The following PMM1 variants were observed in gnomAD, a reference collection of about 807,000 sequenced individuals.
The protein encoded by PMM1 is brain glucose-1,6-bisphosphatase.
Under a neutral mutation model 34.0 loss-of-function variants are expected in PMM1, and 25 were observed. The observed-to-expected ratio is 0.73, with a 90% confidence interval of 0.54 to 1.03. PMM1 has a LOEUF of 1.03. Among genes scored for constraint, PMM1 ranks in the 50% least tolerant of loss-of-function variants. PMM1 has a pLI of 0.00. For missense variants in PMM1, 321 were observed against 350.1 expected (o/e 0.92, Z 0.66); for synonymous variants, 134 against 143.9 (o/e 0.93, Z 0.49).
intron 5 of PMM1, chr22:41,580,610 C>G (rs1054314457): frequency 6.6e-6 from 1 of 152,106 alleles, no homozygotes; most frequent in African/African-American, 2.4e-5. Context: ...CCTGGGTGGA[C>G]AGGAAGGGAT....
chr22:41,584,093 C>T (rs1220069647), intron 4 of PMM1, 35 bp from the exon 5 acceptor site: 2 of 1,510,214 alleles, frequency 1.3e-6, no homozygotes, highest in South Asian at 2.2e-5. Flanking sequence ...CCAGAGAGAA[C>T]CAGAACGGCC....
In PMM1 at chr22:41,584,051, A is replaced by G; in HGVS notation, c.382T>C (p.Phe128Leu). 6.2e-7 allele frequency: 1 copy of G among 1,612,304 alleles called. No homozygotes were observed. The highest frequency in any genetic ancestry group is 1.7e-5 in the Admixed American group (1 of 60,006). The change falls in exon 5 of 8, where the codon TTC becomes CTC. Residue 128 changes from phenylalanine (F) to leucine (L), a missense_variant. Coordinates refer to ENST00000216259, the MANE Select transcript of PMM1 (RefSeq NM_002676.3). ...LLRLPKKRGT[F>L]IEFRNGMLNI... ...AGCATGCCATTCCGGAACTCGATGA[A>G]GGTTCCACTGGTGGTGAGGGAGGGC... is the stretch of plus-strand genomic sequence containing the variant.
intron 1 of PMM1, chr22:41,586,564 G>C (rs949673060): frequency 1.0e-5 from 2 of 191,006 alleles, no homozygotes; most frequent in African/African-American, 4.8e-5. Context: ...GCTGGAGTGC[G>C]ATGGCGTGAT....
chr22:41,580,474 G>C (rs4822042), intron 5 of PMM1: 112,257 of 152,036 alleles, frequency 0.74, 42,619 homozygotes, highest in African/African-American at 0.92. Context: ...CTCATCCAGT[G>C]CTCATGACAG....
intron 1 of PMM1, chr22:41,589,370 T>C: frequency 2.2e-6 from 1 of 450,090 alleles, no homozygotes; most frequent in African/African-American, 2.0e-5. Flanking sequence ...TAGGGTGGGA[T>C]CCCCAGCTCA....
intron 1 of PMM1, chr22:41,589,158 C>T (rs1300076878): frequency 7.7e-7 from 1 of 1,299,620 alleles, no homozygotes; most frequent in Admixed American, 2.3e-5. Context: ...CCTCTCTGCT[C>T]CACGACTGGG....
At chr22:41,584,696 T>C in intron 2 of PMM1, 93 bp from the exon 3 acceptor site, 1 of 878,318 alleles carries the variant, frequency 1.1e-6, no homozygotes, top group Non-Finnish European at 1.8e-6. Flanking sequence ...GCCTACACCC[T>C]TGGTTTCACA....
intron 2 of PMM1, 78 bp downstream of exon 2, chr22:41,585,998 G>T (rs904975638): frequency 9.3e-6 from 10 of 1,070,046 alleles, no homozygotes; most frequent in Non-Finnish European, 1.4e-5. Context: ...CTGCCCCACA[G>T]AAGCAGGACT....
In PMM1 at chr22:41,578,797, T is replaced by A; in HGVS notation, c.550+9A>T. On this transcript the variant is annotated intron_variant, in intron 6 of 7. Transcript: ENST00000216259. Reference sequence around the variant, plus strand: ...CAGGCCTCCCAGGTCCTCTGCAGGGTGGACGTACCTCGAGAGAACCTCAGC... The same window carrying A: ...CAGGCCTCCCAGGTCCTCTGCAGGGAGGACGTACCTCGAGAGAACCTCAGC... 6.2e-7 allele frequency: 1 copy of A among 1,612,460 alleles called. No homozygotes were observed. Among genetic ancestry groups the A allele is most frequent in the Non-Finnish European group, 8.5e-7 (1 of 1,178,632 alleles).
At chr22:41,581,515 G>A (rs899811114) in intron 5 of PMM1, among the ~76,000 whole-genome samples, 3 of 152,080 alleles carry the variant, frequency 2.0e-5, no homozygotes, top group African/African-American at 7.2e-5. Flanking sequence ...ATCGAGCCTT[G>A]GTTTCCTCAT....
intron 6 of PMM1, 129 bp downstream of exon 6, chr22:41,578,677 C>T (rs185805966): frequency 2.9e-6 from 2 of 699,686 alleles, no homozygotes; most frequent in Admixed American, 2.5e-5. Flanking sequence ...GCTCAGCCAC[C>T]CTCTCTGCCC....
intron 1 of PMM1, chr22:41,588,791 G>T (rs1189378863): frequency 1.0e-6 from 1 of 985,336 alleles, no homozygotes; most frequent in Non-Finnish European, 1.2e-6. Flanking sequence ...CTAAGACCTG[G>T]GTTCCCATCA....
In PMM1 at chr22:41,578,809, G is replaced by C; in HGVS notation, c.547C>G (p.Arg183Gly). The part of the protein sequence containing the change: ...EFAGKGLRFS[R>G]GGMISFDVFP... The stretch of plus-strand genomic sequence containing the variant: ...GTCCTCTGCAGGGTGGACGTACCTC[G>C]AGAGAACCTCAGCCCTTTGCCAGCA... The change falls in exon 6 of 8, where the codon CGA becomes GGA. Residue 183 changes from arginine to glycine, a missense_variant. Physicochemically the swap from Arg to Gly is moderately radical, Grantham distance 125 (BLOSUM62 -2). Coordinates refer to ENST00000216259, the MANE Select transcript of PMM1 (RefSeq NM_002676.3). The C allele has an allele frequency of 6.2e-7, 1 of 1,613,658 alleles. No individual in the cohort carries two copies. The highest frequency in any genetic ancestry group is 2.2e-5 in the East Asian group (1 of 44,870).
At position 41,584,543 on chromosome 22, in the gene PMM1, C is replaced by T. The variant is rs199693358; in HGVS notation, c.266G>A (p.Arg89Gln). ...ENGTVQYKHGRLLSKQTIQNH... is the reference protein window; with the variant it reads ...ENGTVQYKHGQLLSKQTIQNH... ...GACACTGACCTGCTTGGAGAGCAGT[C>T]GTCCGTGCTTATACTGCACCGTCCC... Residue 89 changes from arginine (R) to glutamine (Q), a missense_variant, in exon 3 of 8, where the codon CGA becomes CAA. Transcript: ENST00000216259. 2.7e-5 allele frequency: 44 copies of T among 1,613,566 alleles called. No individual in the cohort carries two copies. The highest frequency in any genetic ancestry group is 5.0e-5 in the Admixed American group (3 of 59,950).
chr22:41,579,168 G>A, intron 5 of PMM1: 1 of 410,100 alleles, frequency 2.4e-6, no homozygotes, highest in Non-Finnish European at 4.6e-6. Flanking sequence ...GGAAGGGCGA[G>A]GAGACGGGGC....
intron 1 of PMM1, chr22:41,589,298 T>G: frequency 2.3e-6 from 1 of 443,522 alleles, no homozygotes. Context: ...GCTGTGTGCT[T>G]GTGTGCCTGG....
rs200306844 is a variant in PMM1, at chr22:41,577,886, C to T, written c.588G>A (p.Trp196Ter). The T allele has an allele frequency of 6.2e-7, 1 of 1,613,454 alleles. No individual in the cohort carries two copies. Among genetic ancestry groups the T allele is most frequent in the Admixed American group, 1.7e-5 (1 of 60,010 alleles). Residue 196 changes from tryptophan to a stop codon, truncating the protein, a stop_gained, in exon 7 of 8, where the codon TGG becomes TGA. Coordinates refer to ENST00000216259, the MANE Select transcript of PMM1 (RefSeq NM_002676.3). LOFTEE classifies it high-confidence loss of function. Reference sequence around the variant, plus strand: ...GGCTATCCAGGCAGTAGCGCTTGTCCCAGCCCTCGGGGAAGACGTCAAAGC... The same window carrying T: ...GGCTATCCAGGCAGTAGCGCTTGTCTCAGCCCTCGGGGAAGACGTCAAAGC... ...MISFDVFPEG[W>*]DKRYCLDSLD... is the part of the protein sequence containing the mutation.
At chr22:41,582,198 C>T (rs2067255078) in intron 5 of PMM1, among the ~76,000 whole-genome samples, 1 of 151,896 alleles carries the variant, frequency 6.6e-6, no homozygotes, top group South Asian at 2.1e-4. Flanking sequence ...TGGCTCACAC[C>T]TACAGTCTTG....
intron 6 of PMM1, 40 bp downstream of exon 6, chr22:41,578,766 C>T (rs2067206392): frequency 5.7e-6 from 9 of 1,568,704 alleles, no homozygotes; most frequent in Non-Finnish European, 7.9e-6. Flanking sequence ...AGGAGGGGCC[C>T]TGTACCAGGC....
Sources: gnomAD v4.1 joint callset for allele counts (sites outside exome capture counted in the v4.1 genomes callset) on GRCh38, gnomAD v4.1.1 for gene constraint, MANE v1.5 for transcripts, NCBI Gene and HGNC (gene_info 2026-07-23, HGNC 2026-07-21) for gene names.